The following PLCB1 variants were observed in gnomAD, a reference collection of about 807,000 sequenced individuals.
PLCB1 encodes the protein phospholipase C beta 1.
A neutral mutation model predicts 161.8 loss-of-function variants in PLCB1; 46 were observed. The ratio of observed to expected loss-of-function variants is 0.28; its 90% CI spans 0.22 to 0.36. The LOEUF (loss-of-function observed/expected upper bound fraction) is 0.36. Ranked by LOEUF, PLCB1 falls within the 10% of genes least tolerant of loss-of-function variation. PLCB1 has a pLI of 1.00. For synonymous variants in PLCB1, 517 were observed against 503.7 expected (o/e 1.03, Z -0.35); for missense variants, 1,016 against 1,472.5 (o/e 0.69, Z 5.07).
At chr20:8,450,000 T>C (rs1464485735) in intron 3 of PLCB1, among the ~76,000 whole-genome samples, 2 of 152,366 alleles carry the variant, frequency 1.3e-5, no homozygotes, top group East Asian at 3.9e-4. Context: ...TAATAGAAGC[T>C]AATGGTAGTA....
chr20:8,790,606 G>A (rs944556845), intron 31 of PLCB1, among the ~76,000 whole-genome samples: 4 of 152,184 alleles, frequency 2.6e-5, no homozygotes, highest in Non-Finnish European at 5.9e-5. Context: ...CTAAGTAAAC[G>A]TCAGTTCTAA....
intron 23 of PLCB1, among the ~76,000 whole-genome samples, chr20:8,755,946 T>G (rs78015309): frequency 0.026 from 3,931 of 152,290 alleles, 153 homozygotes; most frequent in African/African-American, 0.084. Flanking sequence ...CTCACAGAAG[T>G]ATTTTTTGTG....
intron 2 of PLCB1, among the ~76,000 whole-genome samples, chr20:8,241,129 T>C (rs183594176): frequency 4.8e-4 from 73 of 152,136 alleles, no homozygotes; most frequent in Non-Finnish European, 8.7e-4. Context: ...GGTTTAGAAA[T>C]TTATCAACAG....
At chr20:8,515,573 C>T (rs745998295) in intron 3 of PLCB1, among the ~76,000 whole-genome samples, 13 of 152,168 alleles carry the variant, frequency 8.5e-5, no homozygotes, top group Non-Finnish European at 1.3e-4. Flanking sequence ...ATTAGAACCT[C>T]CTTCCCAATC....
At position 8,727,253 on chromosome 20, in the gene PLCB1, A is replaced by G. The variant is rs1015171; in HGVS notation, c.1679-56A>G. 0.41 allele frequency: 326,244 copies of G among 802,032 alleles called. 71,106 individuals carry two copies. The highest frequency in any genetic ancestry group is 0.78 in the East Asian group (30,690 of 39,518). The allele number at this position is 802,032 out of a possible 1,614,324, so 49.7% of individuals were successfully genotyped here. ...TTCTTTTATAATGTTATAATTTATA[A>G]CAATGAATTGTATTTCTCACCTTCC... On this transcript the variant is annotated intron_variant, in intron 16 of 31. Transcript: ENST00000338037.
chr20:8,556,596 A>AC (rs1384251777), intron 3 of PLCB1, among the ~76,000 whole-genome samples: 1 of 151,866 alleles, frequency 6.6e-6, no homozygotes, highest in African/African-American at 2.4e-5. Flanking sequence ...TTAAGGCTTC[A>AC]CAACAGCAGG....
chr20:8,817,316 C>T lies in PLCB1; in HGVS notation c.3423+27055C>T, dbSNP rs550134657. Among the ~76,000 whole-genome samples, 6 of 152,290 alleles carry T rather than the reference C, an allele frequency of 3.9e-5. No homozygotes were observed. The East Asian group carries it at 1.2e-3, about 29-fold the overall frequency. On this transcript the variant is annotated intron_variant, in intron 31 of 31. Transcript: ENST00000338037. ...GCAGAGCATGCAAGCTGTCCTTTAT[C>T]TTGAAGGTGTCTATCAGTGTCAGCT...
chr20:8,192,013 C>G (rs1009649553), intron 2 of PLCB1, among the ~76,000 whole-genome samples: 2 of 151,834 alleles, frequency 1.3e-5, no homozygotes, highest in Non-Finnish European at 2.9e-5. Flanking sequence ...GTATATAATT[C>G]AGTATAAATA....
intron 9 of PLCB1, among the ~76,000 whole-genome samples, chr20:8,659,277 T>C (rs1989558187): frequency 6.6e-6 from 1 of 152,176 alleles, no homozygotes; most frequent in African/African-American, 2.4e-5. Context: ...CCTGGAAGTT[T>C]TTAAGAAATT....
intron 3 of PLCB1, among the ~76,000 whole-genome samples, chr20:8,608,649 A>G (rs1441931547): frequency 6.6e-6 from 1 of 152,190 alleles, no homozygotes; most frequent in East Asian, 1.9e-4. Context: ...AATGACTTTT[A>G]TAAAATGTTT....
At chr20:8,807,891 T>C (rs1405174357) in intron 31 of PLCB1, among the ~76,000 whole-genome samples, 2 of 152,214 alleles carry the variant, frequency 1.3e-5, no homozygotes, top group African/African-American at 2.4e-5. Context: ...TTCTAATGTG[T>C]AATCCACCGT....
intron 2 of PLCB1, among the ~76,000 whole-genome samples, chr20:8,247,622 A>T (rs1011584214): frequency 1.3e-5 from 2 of 151,300 alleles, no homozygotes; most frequent in African/African-American, 4.9e-5. Flanking sequence ...AATACAGCAC[A>T]CACACACACA....
chr20:8,313,005 T>C (rs1282417739), intron 2 of PLCB1, among the ~76,000 whole-genome samples: 1 of 152,212 alleles, frequency 6.6e-6, no homozygotes, highest in Non-Finnish European at 1.5e-5. Context: ...TATATTTGTA[T>C]TTAATAAAAT....
At chr20:8,717,597 G>A (rs1979392360) in intron 13 of PLCB1, 74 bp from the exon 14 acceptor site, 2 of 1,159,776 alleles carry the variant, frequency 1.7e-6, no homozygotes, top group African/African-American at 3.1e-5. Flanking sequence ...ATCCACAGCT[G>A]ATCTGGGGGT....
chr20:8,517,283 A>G (rs1033175381), intron 3 of PLCB1, among the ~76,000 whole-genome samples: 1 of 152,202 alleles, frequency 6.6e-6, no homozygotes, highest in Non-Finnish European at 1.5e-5. Flanking sequence ...ATAGAAAGAT[A>G]TGAAACAACA....
chr20:8,370,238 A>G (rs1309661831), intron 2 of PLCB1, among the ~76,000 whole-genome samples: 1 of 152,160 alleles, frequency 6.6e-6, no homozygotes, highest in African/African-American at 2.4e-5. Context: ...TAATGCAGCA[A>G]CCTGTGTGTG....
intron 9 of PLCB1, among the ~76,000 whole-genome samples, chr20:8,667,089 A>G (rs1989829494): frequency 1.3e-5 from 2 of 152,246 alleles, no homozygotes; most frequent in Non-Finnish European, 1.5e-5. Context: ...TTGAGGAAAC[A>G]GAACCGACGT....
At chr20:8,470,137 A>G (rs1047914418) in intron 3 of PLCB1, among the ~76,000 whole-genome samples, 1 of 152,210 alleles carries the variant, frequency 6.6e-6, no homozygotes, top group African/African-American at 2.4e-5. Flanking sequence ...ATAATATTCA[A>G]TTGAATGAAT....
chr20:8,878,313 G>A (rs530863444), intron 31 of PLCB1, among the ~76,000 whole-genome samples: 1 of 152,244 alleles, frequency 6.6e-6, no homozygotes, highest in African/African-American at 2.4e-5. Context: ...TTAAAATTGA[G>A]GTGAATTGAT....
Sources: gnomAD v4.1 joint callset for allele counts (sites outside exome capture counted in the v4.1 genomes callset) on GRCh38, gnomAD v4.1.1 for gene constraint, MANE v1.5 for transcripts, NCBI Gene and HGNC (gene_info 2026-07-23, HGNC 2026-07-21) for gene names.